ABCB5: variants seen among roughly 807,000 people sequenced by gnomAD.
The protein encoded by ABCB5 is ATP binding cassette subfamily B member 5.
In ABCB5, 155 loss-of-function variants were observed where a neutral mutation model predicts 144.2. The ratio of observed to expected loss-of-function variants is 1.08; its 90% CI spans 0.94 to 1.23. ABCB5 has a LOEUF of 1.23. ABCB5 is among the 50% of genes most tolerant of loss of function. The pLI, the probability that ABCB5 is intolerant of heterozygous loss-of-function variation, is 0.00. For missense variants in ABCB5, 1,830 were observed against 1,520.8 expected (o/e 1.20, Z -3.38); for synonymous variants, 610 against 528.6 (o/e 1.15, Z -2.11).
chr7:20,622,241 A>G (rs574858692), intron 1 of ABCB5, among the ~76,000 whole-genome samples: 4 of 152,250 alleles, frequency 2.6e-5, no homozygotes, highest in South Asian at 4.1e-4. Flanking sequence ...ATTTCTATAA[A>G]ATGCAAATGT....
intron 1 of ABCB5, among the ~76,000 whole-genome samples, chr7:20,617,150 T>C (rs1186295466): frequency 1.3e-5 from 2 of 152,164 alleles, no homozygotes; most frequent in African/African-American, 2.4e-5. Flanking sequence ...ACTCTCCCTG[T>C]AATGGAGTCT....
intron 26 of ABCB5, among the ~76,000 whole-genome samples, chr7:20,750,440 C>A (rs548712170): frequency 6.6e-6 from 1 of 151,534 alleles, no homozygotes; most frequent in Non-Finnish European, 1.5e-5. Flanking sequence ...AAGCCACACA[C>A]AAATTGTGTA....
At chr7:20,682,580 G>A (rs141753124) in intron 15 of ABCB5, among the ~76,000 whole-genome samples, 93 of 152,240 alleles carry the variant, frequency 6.1e-4, no homozygotes, top group African/African-American at 2.1e-3. Context: ...AGTGTTGAGG[G>A]TATAATGGAA....
rs1163346843 is a variant in ABCB5 at position 20,698,618 on chromosome 7, G to C, written c.2154+68G>C. The C allele has an allele frequency of 3.4e-6, 5 of 1,460,922 alleles. No homozygotes were observed. The East Asian group carries it at 7.2e-5, about 21-fold the overall frequency. The allele number at this position is 1,460,922 out of a possible 1,614,324, so 90.5% of individuals were successfully genotyped here. A position where few individuals can be genotyped will look rare whatever the true frequency, so the allele number is the denominator to read the frequency against. ...AAGTATGACCTGAGAGAACAAGCTT[G>C]TATCAGTCTAAACCACAAGGGGAAA... is the stretch of plus-strand genomic sequence containing the variant. On this transcript the variant is annotated intron_variant, in intron 17 of 27. Transcript: ENST00000404938.
chr7:20,644,553 A>C (rs1784362592), intron 7 of ABCB5, among the ~76,000 whole-genome samples: 1 of 152,226 alleles, frequency 6.6e-6, no homozygotes, highest in Admixed American at 6.5e-5. Flanking sequence ...AATCTTATCT[A>C]CAGCCTGGTT....
At chr7:20,752,832 C>T (rs146515738) in intron 26 of ABCB5, among the ~76,000 whole-genome samples, 1,543 of 152,124 alleles carry the variant, frequency 0.01, 23 homozygotes, top group African/African-American at 0.035. Context: ...GGTAACAGAG[C>T]GAGACACGGT....
intron 7 of ABCB5, among the ~76,000 whole-genome samples, chr7:20,645,237 G>A (rs999926189): frequency 1.3e-5 from 2 of 152,148 alleles, no homozygotes; most frequent in African/African-American, 4.8e-5. Flanking sequence ...TTCCCCTCTA[G>A]TGATCTACTA....
intron 24 of ABCB5, among the ~76,000 whole-genome samples, chr7:20,741,474 T>C (rs1269774448): frequency 6.6e-6 from 1 of 151,986 alleles, no homozygotes; most frequent in Non-Finnish European, 1.5e-5. Flanking sequence ...ATACAAATAA[T>C]ATTCATAGGT....
chr7:20,650,209 C>A, intron 12 of ABCB5, 62 bp downstream of exon 12: 1 of 1,571,446 alleles, frequency 6.4e-7, no homozygotes. Context: ...CACCGCAGGG[C>A]TGGCAGCTCT....
At chr7:20,669,876 A>G (rs1416158126) in intron 14 of ABCB5, among the ~76,000 whole-genome samples, 2 of 98 alleles carry the variant, frequency 0.02, no homozygotes, top group African/African-American at 0.033. Flanking sequence ...CAACCCAACA[A>G]CAGTTTCTGG....
chr7:20,695,693 A>G (rs1408733102), intron 16 of ABCB5, among the ~76,000 whole-genome samples: 2 of 152,012 alleles, frequency 1.3e-5, no homozygotes, highest in Non-Finnish European at 2.9e-5. Context: ...TATCCAAAAA[A>G]TATAAAGAAC....
intron 5 of ABCB5, among the ~76,000 whole-genome samples, chr7:20,641,234 C>G (rs958419403): frequency 2.0e-5 from 3 of 152,296 alleles, no homozygotes; most frequent in East Asian, 3.9e-4. Context: ...ACCAGCTGCT[C>G]AACTCAAAAC....
At chr7:20,633,518 G>A (rs1438020597) in intron 5 of ABCB5, among the ~76,000 whole-genome samples, 1 of 151,920 alleles carries the variant, frequency 6.6e-6, no homozygotes, top group African/African-American at 2.4e-5. Flanking sequence ...ATATTTATGA[G>A]GTACCTAGTG....
chr7:20,738,423 T>C (rs1203785152), intron 23 of ABCB5, among the ~76,000 whole-genome samples: 1 of 152,218 alleles, frequency 6.6e-6, no homozygotes, highest in Non-Finnish European at 1.5e-5. Flanking sequence ...ATCAAAGTTC[T>C]TCTTTCAGTC....
At chr7:20,695,851 A>G (rs867445569) in intron 16 of ABCB5, among the ~76,000 whole-genome samples, 11 of 151,996 alleles carry the variant, frequency 7.2e-5, no homozygotes, top group Non-Finnish European at 1.3e-4. Context: ...AAATGCAAAA[A>G]AAAAATCACA....
chr7:20,750,329 G>GCCCC (rs1782877031), intron 26 of ABCB5, among the ~76,000 whole-genome samples: 1 of 145,174 alleles, frequency 6.9e-6, no homozygotes, highest in Non-Finnish European at 1.5e-5. Flanking sequence ...AATGCACTGA[G>GCCCC]CAGCCTCATG....
At chr7:20,738,909 T>C in intron 23 of ABCB5, 74 bp from the exon 24 acceptor site, 1 of 1,441,130 alleles carries the variant, frequency 6.9e-7, no homozygotes, top group Non-Finnish European at 9.2e-7. Flanking sequence ...CCTGCTTTTT[T>C]CTTTACTTTT....
chr7:20,650,375 A>T (rs1784545086), intron 12 of ABCB5, among the ~76,000 whole-genome samples: 1 of 152,224 alleles, frequency 6.6e-6, no homozygotes, highest in South Asian at 2.1e-4. Flanking sequence ...ACAGATAAAA[A>T]TCTGCCCTCA....
chr7:20,747,250 T>C (rs1036474185), intron 26 of ABCB5, among the ~76,000 whole-genome samples: 3 of 152,214 alleles, frequency 2.0e-5, no homozygotes, highest in African/African-American at 7.2e-5. Flanking sequence ...TGCTGCCCAA[T>C]TGATATTTGT....
Sources: allele counts gnomAD v4.1 joint callset (sites outside exome capture counted in the v4.1 genomes callset), GRCh38; gene constraint gnomAD v4.1.1; transcripts MANE v1.5; gene names NCBI Gene and HGNC (gene_info 2026-07-23, HGNC 2026-07-21).